Variants in ZFPM2 observed in about 807,000 individuals in gnomAD.
ZFPM2 encodes zinc finger protein ZFPM2.
Under a neutral mutation model 98.6 loss-of-function variants are expected in ZFPM2, and 20 were observed. The observed-to-expected ratio is 0.20, with a 90% CI of 0.14 to 0.29. The LOEUF is 0.29. Among genes scored for constraint, ZFPM2 ranks in the 10% least tolerant of loss-of-function variants. ZFPM2 has a pLI of 1.00. For synonymous variants in ZFPM2, 518 were observed against 502.7 expected, an observed-to-expected ratio of 1.03 and a Z score of -0.41; for missense variants, 1,310 against 1,388.6, an observed-to-expected ratio of 0.94 and a Z score of 0.90.
intron 3 of ZFPM2, among the ~76,000 whole-genome samples, chr8:105,515,843 A>G (rs1293619004): frequency 1.3e-5 from 2 of 149,328 alleles, no homozygotes; most frequent in Admixed American, 6.7e-5. Flanking sequence ...ATTAACTCTG[A>G]TTGCTCTGGC....
intron 5 of ZFPM2, among the ~76,000 whole-genome samples, chr8:105,689,814 T>C (rs1212960992): frequency 2.0e-5 from 3 of 152,206 alleles, no homozygotes; most frequent in Admixed American, 2.0e-4. Context: ...GAATAAATAA[T>C]GGTGTTGAGA....
At chr8:105,369,803 C>T (rs182804800) in intron 1 of ZFPM2, among the ~76,000 whole-genome samples, 88 of 152,086 alleles carry the variant, frequency 5.8e-4, no homozygotes, top group African/African-American at 2.0e-3. Flanking sequence ...TTTATGTAAA[C>T]TACTTCATTG....
intron 5 of ZFPM2, among the ~76,000 whole-genome samples, chr8:105,735,164 G>C (rs185210259): frequency 2.0e-5 from 3 of 148,194 alleles, no homozygotes; most frequent in African/African-American, 7.4e-5. Flanking sequence ...GATCTATATA[G>C]ATCTATATAG....
chr8:105,478,062 T>C (rs1813045038), intron 3 of ZFPM2, among the ~76,000 whole-genome samples: 1 of 152,210 alleles, frequency 6.6e-6, no homozygotes, highest in African/African-American at 2.4e-5. Flanking sequence ...CTGATCCAAA[T>C]TTGCAAAGCA....
intron 5 of ZFPM2, among the ~76,000 whole-genome samples, chr8:105,771,395 G>A (rs140352289): frequency 2.9e-4 from 44 of 152,202 alleles, no homozygotes; most frequent in African/African-American, 1.1e-3. Context: ...ATTCTTAAAG[G>A]TAGTGATAAC....
intron 5 of ZFPM2, among the ~76,000 whole-genome samples, chr8:105,741,083 G>A (rs1440567009): frequency 2.0e-5 from 3 of 152,066 alleles, no homozygotes; most frequent in Non-Finnish European, 4.4e-5. Flanking sequence ...AGCATATGAT[G>A]CCAGAGGACA....
intron 3 of ZFPM2, among the ~76,000 whole-genome samples, chr8:105,445,802 A>G (rs1481580366): frequency 1.3e-5 from 2 of 151,930 alleles, no homozygotes; most frequent in Non-Finnish European, 2.9e-5. Context: ...ACTGGGTCTC[A>G]CCACGTGGCC....
At chr8:105,565,773 T>C (rs902698794) in intron 4 of ZFPM2, among the ~76,000 whole-genome samples, 14 of 152,208 alleles carry the variant, frequency 9.2e-5, no homozygotes, top group African/African-American at 3.4e-4. Flanking sequence ...ACTCTTTAAA[T>C]TAAACAAGTA....
At chr8:105,355,765 T>G (rs112735982) in intron 1 of ZFPM2, among the ~76,000 whole-genome samples, 5,693 of 152,316 alleles carry the variant, frequency 0.037, 355 homozygotes, top group African/African-American at 0.13. Context: ...CAACATAGTT[T>G]AGGTGATTCC....
rs543267505 is a variant in ZFPM2, at chr8:105,369,964, C to A, written c.41-49180C>A. Reference sequence around the variant, plus strand: ...TTATAACAGTGAATATTATGTATTTCTTTTGGGAATTATATCAGTGTTTGT... The same window carrying A: ...TTATAACAGTGAATATTATGTATTTATTTTGGGAATTATATCAGTGTTTGT... On this transcript the variant is annotated intron_variant, in intron 1 of 7. Transcript: ENST00000407775. 4.8e-4 allele frequency among the ~76,000 whole-genome samples: 73 copies of A among 151,996 alleles called. 2 individuals carry two copies. The highest frequency in any genetic ancestry group is 4.4e-3 in the Admixed American group (67 of 15,258).
intron 5 of ZFPM2, among the ~76,000 whole-genome samples, chr8:105,671,098 T>C (rs530673102): frequency 6.6e-6 from 1 of 152,196 alleles, no homozygotes; most frequent in African/African-American, 2.4e-5. Context: ...TTCATCTCTT[T>C]AAAACAGGGA....
At chr8:105,424,038 T>C (rs1811856815) in intron 2 of ZFPM2, among the ~76,000 whole-genome samples, 2 of 152,102 alleles carry the variant, frequency 1.3e-5, no homozygotes, top group South Asian at 4.1e-4. Flanking sequence ...GACTACACAC[T>C]GGGAACAGTG....
At chr8:105,711,923 GT>G (rs1333855405) in intron 5 of ZFPM2, among the ~76,000 whole-genome samples, 2 of 151,922 alleles carry the variant, frequency 1.3e-5, no homozygotes, top group Non-Finnish European at 2.9e-5. Context: ...ATCTATTGTG[GT>G]CTTTTTGTGT....
At chr8:105,759,309 A>T (rs1167171214) in intron 5 of ZFPM2, among the ~76,000 whole-genome samples, 1 of 152,088 alleles carries the variant, frequency 6.6e-6, no homozygotes, top group Non-Finnish European at 1.5e-5. Context: ...ATTGCATGCC[A>T]TATGCTGGAA....
chr8:105,406,056 GT>G lies in ZFPM2; in HGVS notation c.41-13084del, dbSNP rs369245072. 4.9e-4 allele frequency among the ~76,000 whole-genome samples: 74 copies of G among 152,024 alleles called. 1 individual carries two copies. The South Asian group carries it at 0.015, about 30-fold the overall frequency. ...TGATGGTGAGCATTTTTTCATGTGT[GT>G]TTTGGCTGCATAAATGTCTTCTTTT... On this transcript the variant is annotated intron_variant, in intron 1 of 7. Coordinates refer to ENST00000407775, the MANE Select transcript of ZFPM2 (RefSeq NM_012082.4).
chr8:105,515,569 T>C (rs1335351778), intron 3 of ZFPM2, among the ~76,000 whole-genome samples: 1 of 152,224 alleles, frequency 6.6e-6, no homozygotes, highest in Non-Finnish European at 1.5e-5. Context: ...TGCATTCTTG[T>C]ATTATTTAGA....
intron 4 of ZFPM2, among the ~76,000 whole-genome samples, chr8:105,580,865 C>G (rs1038088868): frequency 4.1e-5 from 6 of 147,766 alleles, no homozygotes; most frequent in Non-Finnish European, 8.9e-5. Flanking sequence ...GAGAAAAAAT[C>G]TTTTTGATCA....
chr8:105,780,296 T>C (rs1274270079), intron 5 of ZFPM2: 1 of 152,218 alleles, frequency 6.6e-6, no homozygotes, highest in Non-Finnish European at 1.5e-5. Flanking sequence ...AAAGATTTCA[T>C]GCCCATGCAA....
chr8:105,692,120 G>T lies in ZFPM2; in HGVS notation c.532+57763G>T, dbSNP rs115932450. Reference sequence around the variant, plus strand: ...ATCTACTATGAACATAGTGAGTTGTGATTTATTTAGTTTTTTACATTATCT... The same window carrying T: ...ATCTACTATGAACATAGTGAGTTGTTATTTATTTAGTTTTTTACATTATCT... On this transcript the variant is annotated intron_variant, in intron 5 of 7. Transcript: ENST00000407775. Among the ~76,000 whole-genome samples, 571 of 152,272 alleles carry T rather than the reference G, an allele frequency of 3.7e-3. 2 individuals are homozygous for T. Among genetic ancestry groups the T allele is most frequent in the African/African-American group, 0.013 (536 of 41,562 alleles).
Sources: gnomAD v4.1 joint callset for allele counts (sites outside exome capture counted in the v4.1 genomes callset) on GRCh38, gnomAD v4.1.1 for gene constraint, MANE v1.5 for transcripts, NCBI Gene and HGNC (gene_info 2026-07-23, HGNC 2026-07-21) for gene names.